RPS6KC1: variants seen among roughly 807,000 people sequenced by gnomAD.
The protein encoded by RPS6KC1 is inactive ribosomal protein S6 kinase delta-1.
In RPS6KC1, 54 loss-of-function variants were observed where a neutral mutation model predicts 103.8. The observed-to-expected ratio is 0.52, with a 90% CI of 0.42 to 0.65. The LOEUF is 0.65. RPS6KC1 is among the 30% of genes least tolerant of loss of function. The pLI is 0.00. For synonymous variants in RPS6KC1, 439 were observed against 438.7 expected (o/e 1.00, Z -0.01); for missense variants, 1,151 against 1,253.8 (o/e 0.92, Z 1.24).
chr1:213,848,359 C>T, the RPS6KC1 span, among the ~76,000 whole-genome samples: 434 of 152,202 alleles, frequency 2.9e-3, 3 homozygotes, highest in African/African-American at 1.0e-2. Flanking sequence ...GATTAGTTTG[C>T]TGTTTCTGGA....
the RPS6KC1 span, among the ~76,000 whole-genome samples, chr1:213,496,622 G>T: frequency 3.9e-5 from 6 of 152,150 alleles, no homozygotes; most frequent in African/African-American, 1.4e-4. Context: ...GCCAAGCATG[G>T]TGGTACGTGC....
At chr1:213,732,483 A>T in the RPS6KC1 span, among the ~76,000 whole-genome samples, 1 of 152,226 alleles carries the variant, frequency 6.6e-6, no homozygotes, top group African/African-American at 2.4e-5. Context: ...CAAGGCAGGC[A>T]ATAACTTACC....
At chr1:213,245,541 C>G (rs1009843657) in intron 12 of RPS6KC1, among the ~76,000 whole-genome samples, 4 of 152,174 alleles carry the variant, frequency 2.6e-5, no homozygotes, top group Non-Finnish European at 5.9e-5. Flanking sequence ...ACTTCACCTC[C>G]TGGGAATCCT....
the RPS6KC1 span, among the ~76,000 whole-genome samples, chr1:213,808,188 TGG>T: frequency 6.6e-6 from 1 of 151,978 alleles, no homozygotes; most frequent in Admixed American, 6.5e-5. Context: ...CTGCCCCTAC[TGG>T]GGGGGTGCCT....
chr1:213,205,847 A>G (rs1038586247), intron 8 of RPS6KC1, among the ~76,000 whole-genome samples: 2 of 151,924 alleles, frequency 1.3e-5, no homozygotes, highest in African/African-American at 4.8e-5. Context: ...GAAGTGTTTC[A>G]GATTTTGGTG....
chr1:213,471,703 T>TC, the RPS6KC1 span, among the ~76,000 whole-genome samples: 1 of 152,090 alleles, frequency 6.6e-6, no homozygotes, highest in African/African-American at 2.4e-5. Flanking sequence ...ATTCCATTTT[T>TC]CCCCATTTAA....
At chr1:213,364,910 A>T in the RPS6KC1 span, among the ~76,000 whole-genome samples, 3 of 152,130 alleles carry the variant, frequency 2.0e-5, no homozygotes, top group Non-Finnish European at 4.4e-5. Flanking sequence ...GTAAGCCGAG[A>T]TCGCACCACT....
chr1:213,721,537 T>A, the RPS6KC1 span, among the ~76,000 whole-genome samples: 1 of 152,204 alleles, frequency 6.6e-6, no homozygotes, highest in African/African-American at 2.4e-5. Flanking sequence ...AATGTGGAAC[T>A]GTGAGTCCAT....
chr1:213,266,717 A>G lies in RPS6KC1; in HGVS notation c.3090+3901A>G, dbSNP rs12059283. Among the ~76,000 whole-genome samples, 537 of 152,186 alleles carry G rather than the reference A, an allele frequency of 3.5e-3. 4 individuals carry two copies. Among genetic ancestry groups the G allele is most frequent in the African/African-American group, 0.012 (504 of 41,524 alleles). ...AGGTCAGGAGTTCGAGACCAGCCTAATATGATGAAACCCTGTCTCTACTAA... is the reference window on the plus strand; with the variant it reads ...AGGTCAGGAGTTCGAGACCAGCCTAGTATGATGAAACCCTGTCTCTACTAA... On this transcript the variant is annotated intron_variant, in intron 14 of 14. Coordinates refer to ENST00000366960, the MANE Select transcript of RPS6KC1 (RefSeq NM_012424.6).
chr1:213,829,264 G>A, the RPS6KC1 span, among the ~76,000 whole-genome samples: 1 of 30,990 alleles, frequency 3.2e-5, no homozygotes, highest in Non-Finnish European at 6.2e-5. Context: ...GACCTCGTTT[G>A]TTTCAAAAAA....
chr1:213,304,357 C>T, the RPS6KC1 span, among the ~76,000 whole-genome samples: 4 of 151,772 alleles, frequency 2.6e-5, no homozygotes, highest in Non-Finnish European at 5.9e-5. Flanking sequence ...TAAAATAATA[C>T]ATATTAACTA....
At chr1:213,576,527 CATCA>C in the RPS6KC1 span, among the ~76,000 whole-genome samples, 3 of 151,882 alleles carry the variant, frequency 2.0e-5, no homozygotes, top group Non-Finnish European at 4.4e-5. Context: ...GGTCTGTGAT[CATCA>C]GTTTTGATAT....
the RPS6KC1 span, among the ~76,000 whole-genome samples, chr1:213,643,269 T>A: frequency 6.6e-6 from 1 of 151,942 alleles, no homozygotes; most frequent in South Asian, 2.1e-4. Flanking sequence ...AATCTTCTCA[T>A]CCATGAACAC....
chr1:213,380,626 T>C, the RPS6KC1 span, among the ~76,000 whole-genome samples: 2 of 152,194 alleles, frequency 1.3e-5, no homozygotes, highest in Non-Finnish European at 2.9e-5. Context: ...AATTATACAA[T>C]GTGTATATTT....
At chr1:213,639,852 T>C in the RPS6KC1 span, among the ~76,000 whole-genome samples, 1 of 152,040 alleles carries the variant, frequency 6.6e-6, no homozygotes, top group South Asian at 2.1e-4. Flanking sequence ...TATTGGTCTA[T>C]AGTTTTTTTT....
the RPS6KC1 span, among the ~76,000 whole-genome samples, chr1:213,801,051 T>C: frequency 6.6e-6 from 1 of 152,206 alleles, no homozygotes; most frequent in Middle Eastern, 3.2e-3. Flanking sequence ...CTCCACTCCC[T>C]TGTCCTGAGG....
At chr1:213,078,384 C>G (rs1435578712) in intron 3 of RPS6KC1, among the ~76,000 whole-genome samples, 1 of 151,892 alleles carries the variant, frequency 6.6e-6, no homozygotes, top group East Asian at 1.9e-4. Flanking sequence ...TTCTATAACT[C>G]TAACGTAAAT....
the RPS6KC1 span, among the ~76,000 whole-genome samples, chr1:213,363,755 CT>C: frequency 2.5e-5 from 2 of 80,990 alleles, no homozygotes; most frequent in African/African-American, 1.0e-4. Flanking sequence ...CTTTCTCTTT[CT>C]CTCTTCTTTC....
the RPS6KC1 span, among the ~76,000 whole-genome samples, chr1:213,658,185 A>G: frequency 6.6e-6 from 1 of 152,196 alleles, no homozygotes; most frequent in Non-Finnish European, 1.5e-5. Context: ...TGTGGGTTAC[A>G]TAGAGGGAGA....
Sources: allele counts gnomAD v4.1 joint callset (sites outside exome capture counted in the v4.1 genomes callset), GRCh38; gene constraint gnomAD v4.1.1; transcripts MANE v1.5; gene names NCBI Gene and HGNC (gene_info 2026-07-23, HGNC 2026-07-21).